The following SLIT2 variants were observed in gnomAD, a reference collection of about 807,000 sequenced individuals.
SLIT2 encodes slit guidance ligand 2.
Under a neutral mutation model 185.7 loss-of-function variants are expected in SLIT2, and 41 were observed. That is an observed-to-expected ratio of 0.22 (90% confidence interval 0.17 to 0.29). The LOEUF is 0.29. Ranked by LOEUF, SLIT2 falls within the 10% of genes least tolerant of loss-of-function variation. The pLI is 1.00. For missense variants in SLIT2, 1,571 were observed against 1,909.0 expected, an observed-to-expected ratio of 0.82 and a Z score of 3.30; for synonymous variants, 693 against 680.2, an observed-to-expected ratio of 1.02 and a Z score of -0.29.
chr4:20,556,662 T>A (rs1167958183), intron 26 of SLIT2, among the ~76,000 whole-genome samples: 2 of 151,922 alleles, frequency 1.3e-5, no homozygotes, highest in Admixed American at 6.6e-5. Context: ...ACTACAGTGG[T>A]CTCTAAGTGT....
chr4:20,266,718 TCA>T (rs2109024739), intron 3 of SLIT2, among the ~76,000 whole-genome samples: 1 of 152,068 alleles, frequency 6.6e-6, no homozygotes, highest in Non-Finnish European at 1.5e-5. Context: ...CTTGAAGAGC[TCA>T]CAGTCTAGTG....
intron 4 of SLIT2, among the ~76,000 whole-genome samples, chr4:20,446,736 G>A (rs1711844848): frequency 6.6e-6 from 1 of 152,094 alleles, no homozygotes; most frequent in Non-Finnish European, 1.5e-5. Context: ...ACAGAATATT[G>A]CAATCCTGAG....
intron 30 of SLIT2, among the ~76,000 whole-genome samples, chr4:20,591,028 C>A (rs1727476135): frequency 6.6e-6 from 1 of 152,180 alleles, no homozygotes; most frequent in Non-Finnish European, 1.5e-5. Flanking sequence ...TTGAGCTGTG[C>A]TTTCATCAGA....
At chr4:20,616,418 T>C (rs1374942885) in intron 34 of SLIT2, 3 of 152,666 alleles carry the variant, frequency 2.0e-5, no homozygotes, top group Non-Finnish European at 4.4e-5. Flanking sequence ...ACCTTGAGCA[T>C]GTCACCAGGG....
At chr4:20,437,753 A>G (rs1729448379) in intron 4 of SLIT2, among the ~76,000 whole-genome samples, 1 of 151,834 alleles carries the variant, frequency 6.6e-6, no homozygotes, top group Non-Finnish European at 1.5e-5. Context: ...TCTACTGAAA[A>G]ATACAAAAAA....
intron 3 of SLIT2, among the ~76,000 whole-genome samples, chr4:20,262,891 A>T (rs998379851): frequency 4.0e-5 from 6 of 151,822 alleles, no homozygotes; most frequent in African/African-American, 1.2e-4. Context: ...CTTGAAGTTT[A>T]ATGGTGGTGA....
chr4:20,301,822 A>C (rs956754760), intron 4 of SLIT2, among the ~76,000 whole-genome samples: 1 of 152,190 alleles, frequency 6.6e-6, no homozygotes, highest in African/African-American at 2.4e-5. Context: ...GAAATGATGA[A>C]TATTTTATTT....
intron 4 of SLIT2, among the ~76,000 whole-genome samples, chr4:20,438,894 A>G (rs1035201852): frequency 6.6e-6 from 1 of 152,128 alleles, no homozygotes; most frequent in Non-Finnish European, 1.5e-5. Context: ...TCTATATAAA[A>G]TTATATTCCT....
At chr4:20,296,953 G>GCA (rs1329483196) in intron 4 of SLIT2, among the ~76,000 whole-genome samples, 2 of 152,164 alleles carry the variant, frequency 1.3e-5, no homozygotes, top group Admixed American at 6.5e-5. Context: ...AGGTCAGCAT[G>GCA]CACACACACA....
At chr4:20,615,243 A>G (rs1174382143) in intron 34 of SLIT2, 2 of 152,214 alleles carry the variant, frequency 1.3e-5, no homozygotes, top group African/African-American at 4.8e-5. Context: ...TGGAAATGGT[A>G]AGTTTCATCC....
chr4:20,291,469 TATATATATATATATATATATATA>T (rs1414627528), intron 4 of SLIT2, among the ~76,000 whole-genome samples: 114 of 8,508 alleles, frequency 0.013, 1 homozygote, highest in African/African-American at 0.029. Flanking sequence ...TATATATATA[TATATATATATATATATATATATA>T]TTTTTTTTTT....
At chr4:20,465,067 T>A (rs1714187770) in intron 4 of SLIT2, among the ~76,000 whole-genome samples, 1 of 152,150 alleles carries the variant, frequency 6.6e-6, no homozygotes, top group Admixed American at 6.5e-5. Context: ...AATGCATCAT[T>A]TTGCAAATAA....
At chr4:20,538,818 CTTTTAAA>C (rs1722540104) in intron 18 of SLIT2, among the ~76,000 whole-genome samples, 1 of 149,648 alleles carries the variant, frequency 6.7e-6, no homozygotes, top group Non-Finnish European at 1.5e-5. Flanking sequence ...CATGGTAAAC[CTTTTAAA>C]ACTTTATTGT....
At chr4:20,559,742 T>A (rs1335192842) in intron 26 of SLIT2, among the ~76,000 whole-genome samples, 1 of 151,986 alleles carries the variant, frequency 6.6e-6, no homozygotes, top group Non-Finnish European at 1.5e-5. Flanking sequence ...TAAAAATCAC[T>A]CAGCTGCCGA....
chr4:20,485,724 C>T (rs1717160692), intron 6 of SLIT2, among the ~76,000 whole-genome samples: 1 of 152,126 alleles, frequency 6.6e-6, no homozygotes, highest in Admixed American at 6.6e-5. Flanking sequence ...GTTATCAGGA[C>T]TCTGTTCCAA....
chr4:20,265,033 A>T (rs1389341953), intron 3 of SLIT2, among the ~76,000 whole-genome samples: 1 of 151,920 alleles, frequency 6.6e-6, no homozygotes, highest in East Asian at 1.9e-4. Context: ...GGCTCCCATA[A>T]ATAATCCTCT....
intron 4 of SLIT2, among the ~76,000 whole-genome samples, chr4:20,334,079 A>G (rs1287806492): frequency 2.0e-5 from 3 of 152,090 alleles, no homozygotes; most frequent in African/African-American, 4.8e-5. Flanking sequence ...TATTTTCCCT[A>G]TGTCTCTACT....
chr4:20,256,731 A>G lies in SLIT2; in HGVS notation c.239A>G (p.His80Arg), dbSNP rs1711888864. Residue 80 changes from histidine to arginine, a missense_variant, in exon 2 of 37, where the codon CAT becomes CGT. This residue lies in a region of SLIT2 where 1,202 missense variants were observed against 1,416.4 expected (regional missense o/e 0.85). Coordinates refer to ENST00000504154, the MANE Select transcript of SLIT2 (RefSeq NM_004787.4). ...AAGACAGATTTTGCTGGTCTTAGACATCTAAGAGTTCTGTAAGTGCATCCT... is the reference window on the plus strand; with the variant it reads ...AAGACAGATTTTGCTGGTCTTAGACGTCTAAGAGTTCTGTAAGTGCATCCT... ...ITKTDFAGLR[H>R]LRVLQLMENK... The G allele has an allele frequency of 1.3e-6, 2 of 1,525,684 alleles. No individual in the cohort carries two copies. Among genetic ancestry groups the G allele is most frequent in the African/African-American group, 1.4e-5 (1 of 72,390 alleles). 94.5% of individuals were successfully genotyped at this position (1,525,684 alleles called of 1,614,324 possible).
intron 4 of SLIT2, among the ~76,000 whole-genome samples, chr4:20,452,888 C>G (rs763098883): frequency 1.3e-5 from 2 of 152,246 alleles, no homozygotes; most frequent in African/African-American, 2.4e-5. Context: ...GTGCTCACCC[C>G]CAAGACCTCT....
Sources: allele counts gnomAD v4.1 joint callset (sites outside exome capture counted in the v4.1 genomes callset), GRCh38; gene constraint gnomAD v4.1.1; regional missense constraint gnomAD v4.1.1; transcripts MANE v1.5; gene names NCBI Gene and HGNC (gene_info 2026-07-23, HGNC 2026-07-21).